LSAMP: variants seen among roughly 807,000 people sequenced by gnomAD.
LSAMP encodes the protein limbic system-associated membrane protein.
A neutral mutation model predicts 38.6 loss-of-function variants in LSAMP; 7 were observed. That is an observed-to-expected ratio of 0.18 (90% confidence interval 0.10 to 0.34). LSAMP has a LOEUF of 0.34. Ranked by LOEUF, LSAMP falls within the 10% of genes least tolerant of loss-of-function variation. LSAMP has a pLI of 1.00. For missense variants in LSAMP, 313 were observed against 420.0 expected, an observed-to-expected ratio of 0.75 and a Z score of 2.23; for synonymous variants, 154 against 166.8, an observed-to-expected ratio of 0.92 and a Z score of 0.59.
intron 3 of LSAMP, among the ~76,000 whole-genome samples, chr3:116,000,176 T>C (rs1320756713): frequency 6.6e-6 from 1 of 152,142 alleles, no homozygotes; most frequent in African/African-American, 2.4e-5. Context: ...CTACTCTTTG[T>C]TTTCCTGCAC....
In LSAMP at chr3:116,071,880, G is replaced by A. The variant is rs1176353004; in HGVS notation, c.388+14444C>T. ...TTTTCTGTTACTGCATTAGTTTGCTGAGGATAACAGCTTCCAGGTCCATTC... is the reference window on the plus strand; with the variant it reads ...TTTTCTGTTACTGCATTAGTTTGCTAAGGATAACAGCTTCCAGGTCCATTC... On this transcript the variant is annotated intron_variant, in intron 2 of 6. Transcript: ENST00000490035. 2.3e-4 allele frequency among the ~76,000 whole-genome samples: 35 copies of A among 151,932 alleles called. 2 individuals carry two copies. Among genetic ancestry groups the A allele is most frequent in the Admixed American group, 2.3e-3 (35 of 15,270 alleles).
At chr3:115,812,813 T>C (rs1177229239) in intron 6 of LSAMP, among the ~76,000 whole-genome samples, 1 of 152,190 alleles carries the variant, frequency 6.6e-6, no homozygotes, top group South Asian at 2.1e-4. Context: ...CAGGCTAGTT[T>C]ATCTTGTAGA....
intron 1 of LSAMP, among the ~76,000 whole-genome samples, chr3:116,333,897 A>G (rs2047886103): frequency 6.6e-6 from 1 of 151,876 alleles, no homozygotes; most frequent in Admixed American, 6.6e-5. Context: ...AATAATAAAG[A>G]TTAGAGATAA....
chr3:116,174,539 G>A (rs1181952027), intron 1 of LSAMP, among the ~76,000 whole-genome samples: 1 of 151,772 alleles, frequency 6.6e-6, no homozygotes, highest in Non-Finnish European at 1.5e-5. Flanking sequence ...TGATAACTTC[G>A]CTAAAAAGCA....
chr3:116,104,517 T>C (rs530892049), intron 1 of LSAMP, among the ~76,000 whole-genome samples: 2 of 152,272 alleles, frequency 1.3e-5, no homozygotes, highest in South Asian at 4.1e-4. Flanking sequence ...TAAAGAAAGA[T>C]TTGAAGAGAT....
chr3:116,075,359 A>T (rs1298934581), intron 2 of LSAMP, among the ~76,000 whole-genome samples: 1 of 151,048 alleles, frequency 6.6e-6, no homozygotes, highest in Non-Finnish European at 1.5e-5. Context: ...GCTGGTCTTG[A>T]TTTCCTGACC....
At chr3:116,367,057 G>A (rs981807458) in intron 1 of LSAMP, among the ~76,000 whole-genome samples, 1 of 152,116 alleles carries the variant, frequency 6.6e-6, no homozygotes, top group African/African-American at 2.4e-5. Flanking sequence ...TAATTGGCAT[G>A]TTAGACTTGA....
At position 116,336,879 on chromosome 3, in the gene LSAMP, T is replaced by C. The variant is rs548948700; in HGVS notation, c.155+107998A>G. Among the ~76,000 whole-genome samples the C allele has an allele frequency of 3.0e-4, 46 of 151,950 alleles. 1 individual carries two copies. Among genetic ancestry groups the C allele is most frequent in the Admixed American group, 2.9e-3 (44 of 15,224 alleles). ...AATGTTATTCACAACAGCTGAAATG[T>C]AGAAGCAATGCAAGTGTTCATTAAA... On this transcript the variant is annotated intron_variant, in intron 1 of 6. Transcript: ENST00000490035.
At chr3:116,007,693 C>T (rs1470974558) in intron 3 of LSAMP, among the ~76,000 whole-genome samples, 3 of 152,060 alleles carry the variant, frequency 2.0e-5, no homozygotes, top group Non-Finnish European at 4.4e-5. Context: ...GTCACTGAAA[C>T]ATTTCCTGTT....
intron 1 of LSAMP, among the ~76,000 whole-genome samples, chr3:116,418,494 T>G (rs2049080007): frequency 6.6e-6 from 1 of 152,120 alleles, no homozygotes; most frequent in Admixed American, 6.5e-5. Flanking sequence ...CTCATGTTTT[T>G]TTTTAAATTT....
chr3:116,010,925 A>C (rs1940305548), intron 3 of LSAMP, among the ~76,000 whole-genome samples: 1 of 152,220 alleles, frequency 6.6e-6, no homozygotes, highest in Admixed American at 6.5e-5. Flanking sequence ...TGAAATCCTT[A>C]ATTCAATAAC....
At chr3:116,229,038 G>T (rs2046371361) in intron 1 of LSAMP, among the ~76,000 whole-genome samples, 1 of 152,066 alleles carries the variant, frequency 6.6e-6, no homozygotes, top group South Asian at 2.1e-4. Flanking sequence ...TCAAAAATTG[G>T]AACAAAGTCA....
intron 2 of LSAMP, among the ~76,000 whole-genome samples, chr3:116,047,469 A>G (rs955812139): frequency 2.0e-5 from 3 of 151,816 alleles, no homozygotes; most frequent in Non-Finnish European, 2.9e-5. Flanking sequence ...GACTCGACCA[A>G]TTTTTTTCCA....
At chr3:115,860,162 C>T (rs1935632828) in intron 3 of LSAMP, among the ~76,000 whole-genome samples, 1 of 152,220 alleles carries the variant, frequency 6.6e-6, no homozygotes, top group South Asian at 2.1e-4. Context: ...TTAATAAACA[C>T]TTGCTAGGCA....
chr3:115,968,910 A>C (rs1938916251), intron 3 of LSAMP, among the ~76,000 whole-genome samples: 1 of 152,190 alleles, frequency 6.6e-6, no homozygotes, highest in Non-Finnish European at 1.5e-5. Context: ...GCTAGGACTG[A>C]CCTAAATGCT....
At chr3:115,942,203 GA>G (rs1937945708) in intron 3 of LSAMP, among the ~76,000 whole-genome samples, 1 of 152,084 alleles carries the variant, frequency 6.6e-6, no homozygotes, top group African/African-American at 2.4e-5. Context: ...GCAAAACAAA[GA>G]AATAAATAGC....
At chr3:116,309,982 A>T (rs1194498141) in intron 1 of LSAMP, among the ~76,000 whole-genome samples, 4 of 151,970 alleles carry the variant, frequency 2.6e-5, no homozygotes, top group Admixed American at 2.6e-4. Flanking sequence ...ATTTCTCCAA[A>T]CTCACACTTG....
At chr3:116,036,154 A>G (rs926874412) in intron 2 of LSAMP, among the ~76,000 whole-genome samples, 3 of 152,226 alleles carry the variant, frequency 2.0e-5, no homozygotes, top group Admixed American at 2.0e-4. Context: ...TGAAAGCATC[A>G]TTAAGAAGAG....
chr3:115,909,782 G>A (rs537103872), intron 3 of LSAMP, among the ~76,000 whole-genome samples: 1 of 152,232 alleles, frequency 6.6e-6, no homozygotes, highest in Non-Finnish European at 1.5e-5. Flanking sequence ...TTTGGGTGGG[G>A]AGTAGTAAGA....
Sources: allele counts gnomAD v4.1 joint callset (sites outside exome capture counted in the v4.1 genomes callset), GRCh38; gene constraint gnomAD v4.1.1; transcripts MANE v1.5; gene names NCBI Gene and HGNC (gene_info 2026-07-23, HGNC 2026-07-21).